ADAM20: variants seen among roughly 807,000 people sequenced by gnomAD.
ADAM20 encodes the protein ADAM metallopeptidase domain 20, also known as disintegrin and metalloproteinase domain-containing protein 20.
For synonymous variants in ADAM20, 305 were observed against 310.2 expected, an observed-to-expected ratio of 0.98 and a Z score of 0.18; for missense variants, 871 against 883.2, an observed-to-expected ratio of 0.99 and a Z score of 0.18.
intron 1 of ADAM20, among the ~76,000 whole-genome samples, chr14:70,530,841 TA>T (rs1883695674): frequency 1.3e-5 from 2 of 149,560 alleles, no homozygotes; most frequent in Admixed American, 6.6e-5. Context: ...AAAGCAGTCC[TA>T]AAAGAGAAGT....
At chr14:70,577,709 C>A in the ADAM20 span, among the ~76,000 whole-genome samples, 105 of 152,172 alleles carry the variant, frequency 6.9e-4, no homozygotes, top group African/African-American at 2.4e-3. Context: ...ACGTATGGAC[C>A]AACGGAATAC....
At chr14:70,573,229 T>C in the ADAM20 span, among the ~76,000 whole-genome samples, 1 of 152,186 alleles carries the variant, frequency 6.6e-6, no homozygotes, top group East Asian at 1.9e-4. Context: ...GTGGTACATA[T>C]ATACCATGGA....
chr14:70,577,877 A>G, the ADAM20 span, among the ~76,000 whole-genome samples: 1 of 152,172 alleles, frequency 6.6e-6, no homozygotes, highest in Non-Finnish European at 1.5e-5. Flanking sequence ...TCAAAAATTA[A>G]CTCAAAATGG....
the ADAM20 span, among the ~76,000 whole-genome samples, chr14:70,561,441 G>C: frequency 6.6e-6 from 1 of 152,228 alleles, no homozygotes; most frequent in African/African-American, 2.4e-5. Flanking sequence ...CCATACAGTA[G>C]AAAAGAAAAA....
chr14:70,578,931 C>A, the ADAM20 span, among the ~76,000 whole-genome samples: 3 of 152,122 alleles, frequency 2.0e-5, no homozygotes, highest in African/African-American at 7.2e-5. Flanking sequence ...TAAGTCAGAA[C>A]ATGTGGTATT....
the ADAM20 span, among the ~76,000 whole-genome samples, chr14:70,561,221 C>A: frequency 2.1e-4 from 32 of 152,328 alleles, no homozygotes; most frequent in African/African-American, 7.7e-4. Context: ...CATTTTGCCC[C>A]TGCCCTAGAA....
chr14:70,528,936 C>A (rs1049261296), intron 1 of ADAM20, among the ~76,000 whole-genome samples: 3 of 151,846 alleles, frequency 2.0e-5, no homozygotes, highest in African/African-American at 7.3e-5. Flanking sequence ...TTACAAGAGA[C>A]AAAAGATGAG....
chr14:70,571,157 G>T, the ADAM20 span, among the ~76,000 whole-genome samples: 1 of 152,096 alleles, frequency 6.6e-6, no homozygotes, highest in Non-Finnish European at 1.5e-5. Context: ...TACTGAATGG[G>T]CAAATTTGAA....
the ADAM20 span, among the ~76,000 whole-genome samples, chr14:70,572,935 T>C: frequency 5.9e-5 from 9 of 151,282 alleles, no homozygotes; most frequent in East Asian, 1.7e-3. Context: ...AAAAAAAAAA[T>C]AGATGTTGGT....
chr14:70,566,102 A>G, the ADAM20 span, among the ~76,000 whole-genome samples: 1 of 152,326 alleles, frequency 6.6e-6, no homozygotes, highest in East Asian at 1.9e-4. Context: ...AAGACACTAA[A>G]TAGCAACATG....
chr14:70,572,758 C>A, the ADAM20 span, among the ~76,000 whole-genome samples: 151,514 of 152,268 alleles, frequency 1, 75,394 homozygotes, highest in Middle Eastern at 1. Context: ...GAAAAAAAAC[C>A]ACCATTGAAA....
chr14:70,535,728 CT>C (rs1368411812), upstream of ADAM20, among the ~76,000 whole-genome samples: 1 of 152,168 alleles, frequency 6.6e-6, no homozygotes, highest in Non-Finnish European at 1.5e-5. Context: ...AAGGAAATAA[CT>C]TCTACTCCAA....
the ADAM20 span, chr14:70,547,195 C>T: frequency 2.6e-5 from 4 of 152,194 alleles, no homozygotes; most frequent in African/African-American, 9.7e-5. Flanking sequence ...GAGATTTAAG[C>T]CATAATGAAA....
upstream of ADAM20, among the ~76,000 whole-genome samples, chr14:70,536,792 T>C (rs1471635381): frequency 6.6e-6 from 1 of 151,792 alleles, no homozygotes; most frequent in African/African-American, 2.4e-5. Context: ...GCTGGAGAGA[T>C]GTCAGCCCCA....
chr14:70,575,622 T>C, the ADAM20 span, among the ~76,000 whole-genome samples: 60 of 152,324 alleles, frequency 3.9e-4, no homozygotes, highest in South Asian at 6.2e-3. Context: ...TTGTAAAATT[T>C]TGTTTAAAAT....
At chr14:70,545,460 G>C in the ADAM20 span, among the ~76,000 whole-genome samples, 2 of 152,120 alleles carry the variant, frequency 1.3e-5, no homozygotes, top group Non-Finnish European at 2.9e-5. Context: ...TCAACAATCT[G>C]CTGCCTACAA....
the ADAM20 span, among the ~76,000 whole-genome samples, chr14:70,566,615 C>T: frequency 6.6e-6 from 1 of 152,076 alleles, no homozygotes; most frequent in African/African-American, 2.4e-5. Context: ...CAATTAAATT[C>T]CCCAAACAAA....
At chr14:70,565,655 G>A in the ADAM20 span, among the ~76,000 whole-genome samples, 3 of 152,042 alleles carry the variant, frequency 2.0e-5, no homozygotes, top group South Asian at 6.2e-4. Flanking sequence ...GGAGATTCAA[G>A]CAACTGTATA....
At chr14:70,556,814 G>A in the ADAM20 span, 1 of 152,202 alleles carries the variant, frequency 6.6e-6, no homozygotes, top group Admixed American at 6.5e-5. Context: ...ACTTAAGTAT[G>A]CATGGATTTA....
Sources: allele counts gnomAD v4.1 joint callset (sites outside exome capture counted in the v4.1 genomes callset), GRCh38; gene constraint gnomAD v4.1.1; transcripts MANE v1.5; gene names NCBI Gene and HGNC (gene_info 2026-07-23, HGNC 2026-07-21).